Variants in ZNF536 observed in about 807,000 individuals in gnomAD.
The protein encoded by ZNF536 is zinc finger protein 536.
Under a neutral mutation model 84.5 loss-of-function variants are expected in ZNF536, and 13 were observed. The observed-to-expected ratio is 0.15, with a 90% CI of 0.10 to 0.24. ZNF536 has a LOEUF of 0.24. Ranked by LOEUF, ZNF536 falls within the 10% of genes least tolerant of loss-of-function variation. The pLI is 1.00. For missense variants in ZNF536, 1,536 were observed against 1,747.5 expected (o/e 0.88, Z 2.16); for synonymous variants, 811 against 742.5 (o/e 1.09, Z -1.50).
At chr19:30,579,237 T>C (rs2046841061) in intron 1 of ZNF536, among the ~76,000 whole-genome samples, 1 of 152,206 alleles carries the variant, frequency 6.6e-6, no homozygotes, top group African/African-American at 2.4e-5. Flanking sequence ...CTAATGGGTT[T>C]TCCATGACAG....
chr19:30,267,651 G>A (rs1225012067), intron 1 of ZNF536, among the ~76,000 whole-genome samples: 1 of 152,120 alleles, frequency 6.6e-6, no homozygotes, highest in Non-Finnish European at 1.5e-5. Context: ...CTCTGTGGGT[G>A]CGGCTTCAGG....
chr19:30,653,454 G>A (rs576268600), intron 1 of ZNF536, among the ~76,000 whole-genome samples: 1 of 152,304 alleles, frequency 6.6e-6, no homozygotes, highest in East Asian at 1.9e-4. Context: ...GCTCACAGTT[G>A]GGTTTTGTTT....
At chr19:30,457,402 C>T (rs1751129137) in intron 2 of ZNF536, among the ~76,000 whole-genome samples, 1 of 152,232 alleles carries the variant, frequency 6.6e-6, no homozygotes, top group African/African-American at 2.4e-5. Context: ...TGCCTTGTCA[C>T]ATACAGAAGA....
At chr19:30,265,139 C>T (rs1320326759) in intron 1 of ZNF536, among the ~76,000 whole-genome samples, 1 of 152,072 alleles carries the variant, frequency 6.6e-6, no homozygotes, top group Non-Finnish European at 1.5e-5. Flanking sequence ...CTTCAGTCTC[C>T]CCCTTGTGCC....
chr19:30,388,623 C>A (rs1253381402), intron 1 of ZNF536, among the ~76,000 whole-genome samples: 1 of 152,212 alleles, frequency 6.6e-6, no homozygotes, highest in African/African-American at 2.4e-5. Context: ...TTTTCCAGGG[C>A]AAGCCAGTGT....
At chr19:30,443,158 A>C (rs2052140697) in intron 1 of ZNF536, among the ~76,000 whole-genome samples, 1 of 151,864 alleles carries the variant, frequency 6.6e-6, no homozygotes, top group South Asian at 2.1e-4. Flanking sequence ...TTGGTCTTAC[A>C]GGGAAAGTCA....
At chr19:30,291,810 G>A (rs1436600557) in intron 2 of ZNF536, among the ~76,000 whole-genome samples, 1 of 152,092 alleles carries the variant, frequency 6.6e-6, no homozygotes, top group Non-Finnish European at 1.5e-5. Flanking sequence ...GTATGGTTCT[G>A]CCTGTTCTCA....
At chr19:30,239,763 C>T (rs1276698116) in intron 1 of ZNF536, among the ~76,000 whole-genome samples, 1 of 152,188 alleles carries the variant, frequency 6.6e-6, no homozygotes, top group African/African-American at 2.4e-5. Flanking sequence ...TCCCAGGGCA[C>T]CCTTGCCTTT....
intron 4 of ZNF536, among the ~76,000 whole-genome samples, chr19:30,550,507 G>A (rs2045732922): frequency 6.6e-6 from 1 of 151,960 alleles, no homozygotes; most frequent in Non-Finnish European, 1.5e-5. Flanking sequence ...ATTTCCAACT[G>A]TAATTTATGA....
intron 2 of ZNF536, among the ~76,000 whole-genome samples, chr19:30,330,757 C>T (rs1274387840): frequency 3.3e-5 from 5 of 152,144 alleles, no homozygotes; most frequent in African/African-American, 7.2e-5. Flanking sequence ...CAGGGAACTT[C>T]GAGGCATTGA....
intron 2 of ZNF536, among the ~76,000 whole-genome samples, chr19:30,337,862 A>G (rs1466880090): frequency 6.6e-6 from 1 of 152,234 alleles, no homozygotes; most frequent in East Asian, 1.9e-4. Flanking sequence ...AGAGCTCAGT[A>G]AGTGTTAACT....
intron 1 of ZNF536, among the ~76,000 whole-genome samples, chr19:30,388,542 C>T (rs961338060): frequency 2.0e-5 from 3 of 152,140 alleles, no homozygotes; most frequent in Non-Finnish European, 4.4e-5. Context: ...CATCCAGGTG[C>T]AGAGCCCTCC....
At chr19:30,343,072 C>G (rs144599256) in intron 2 of ZNF536, among the ~76,000 whole-genome samples, 11 of 152,126 alleles carry the variant, frequency 7.2e-5, no homozygotes, top group African/African-American at 1.2e-4. Context: ...TTGTCTCCCC[C>G]ACCCTCGGCC....
intron 1 of ZNF536, among the ~76,000 whole-genome samples, chr19:30,408,936 C>T (rs987074660): frequency 6.6e-5 from 10 of 151,852 alleles, no homozygotes; most frequent in Admixed American, 4.6e-4. Flanking sequence ...CATCCATCCA[C>T]TCATCCATTC....
intron 1 of ZNF536, among the ~76,000 whole-genome samples, chr19:30,588,650 G>A (rs1280318643): frequency 2.0e-5 from 3 of 152,172 alleles, no homozygotes; most frequent in South Asian, 2.1e-4. Flanking sequence ...TCCAACATTT[G>A]CTCATCACAG....
intron 1 of ZNF536, among the ~76,000 whole-genome samples, chr19:30,435,516 GGTGATGATGATGGTGATA>G (rs889693030): frequency 3.1e-4 from 47 of 151,834 alleles, no homozygotes; most frequent in Admixed American, 7.2e-4. Context: ...TGATCATTAT[GGTGATGATGATGGTGATA>G]GTGATGATGA....
intron 1 of ZNF536, among the ~76,000 whole-genome samples, chr19:30,581,480 A>G (rs1157575318): frequency 6.6e-6 from 1 of 151,636 alleles, no homozygotes; most frequent in African/African-American, 2.4e-5. Context: ...CCATCTCAAA[A>G]AGAAAAGAAA....
At chr19:30,388,631 T>C (rs1041032411) in intron 1 of ZNF536, among the ~76,000 whole-genome samples, 2 of 152,234 alleles carry the variant, frequency 1.3e-5, no homozygotes, top group African/African-American at 4.8e-5. Context: ...GGCAAGCCAG[T>C]GTTGTAGGTC....
intron 1 of ZNF536, among the ~76,000 whole-genome samples, chr19:30,440,454 G>C (rs1365899975): frequency 6.6e-6 from 1 of 152,210 alleles, no homozygotes; most frequent in Admixed American, 6.5e-5. Flanking sequence ...GTTGAGGTTA[G>C]AGTGAGTCTC....
Sources: gnomAD v4.1 joint callset for allele counts (sites outside exome capture counted in the v4.1 genomes callset) on GRCh38, gnomAD v4.1.1 for gene constraint, MANE v1.5 for transcripts, NCBI Gene and HGNC (gene_info 2026-07-23, HGNC 2026-07-21) for gene names.